Variants in OR9K2 observed in about 807,000 individuals in gnomAD.
The protein encoded by OR9K2 is olfactory receptor family 9 subfamily K member 2, also known as olfactory receptor 9K2.
In OR9K2, 16 loss-of-function variants were observed where a neutral mutation model predicts 12.4. The observed-to-expected ratio is 1.29, with a 90% CI of 0.87 to 1.95. OR9K2 has a LOEUF of 1.95. OR9K2 is among the 30% of genes most tolerant of loss of function. OR9K2 has a pLI of 0.00. For missense variants in OR9K2, 434 were observed against 376.5 expected, an observed-to-expected ratio of 1.15 and a Z score of -1.26; for synonymous variants, 133 against 133.2, an observed-to-expected ratio of 1.00 and a Z score of 0.01.
At position 55,131,565 on chromosome 12, in the gene OR9K2, C is replaced by G. The variant is rs1953473584; in HGVS notation, c.*789C>G. 1 of 152,132 alleles carries G rather than the reference C, an allele frequency of 6.6e-6. No homozygotes were observed. Among genetic ancestry groups the G allele is most frequent in the Non-Finnish European group, 1.5e-5 (1 of 68,006 alleles). The allele number at this position is 152,132 out of a possible 1,614,324, so 9.4% of individuals were successfully genotyped here. ...ATCCAAAATTTACTTATCTATGCCT[C>G]TTAATATAGGTATATATTTGATTAA... On this transcript the variant is annotated 3_prime_UTR_variant, in exon 3 of 3. Transcript: ENST00000641329.
Position 55,130,161 on chromosome 12 carries a change from C to T in OR9K2, c.327C>T (p.Leu109=). The part of the protein sequence containing the change: ...GCVAQLFLFA[L]LIVTEGFLLA... ...TGGCCCAGCTCTTTCTCTTTGCCCT[C>T]CTCATTGTGACTGAGGGATTTCTCC... Residue 109 remains leucine, a synonymous_variant, in exon 3 of 3, where the codon CTC becomes CTT. Transcript: ENST00000641329. 1.9e-6 allele frequency: 3 copies of T among 1,614,030 alleles called. No individual in the cohort carries two copies. The highest frequency in any genetic ancestry group is 2.5e-6 in the Non-Finnish European group (3 of 1,180,004).
rs1430999777 is a variant in OR9K2, at chr12:55,130,193, C to T, written c.359C>T (p.Ala120Val). The T allele has an allele frequency of 3.7e-6, 6 of 1,613,958 alleles. No individual in the cohort carries two copies. Among genetic ancestry groups the T allele is most frequent in the African/African-American group, 2.7e-5 (2 of 74,914 alleles). Residue 120 changes from alanine to valine, a missense_variant, in exon 3 of 3, where the codon GCC becomes GTC. Transcript: ENST00000641329. ...GTGACTGAGGGATTTCTCCTGGCGG[C>T]CATGGCTTATGACCGCTTTATTGCC... is the stretch of plus-strand genomic sequence containing the variant. Reference protein sequence around the residue: ...LIVTEGFLLAAMAYDRFIAIC... With the variant: ...LIVTEGFLLAVMAYDRFIAIC...
chr12:55,131,777 G>A lies in OR9K2; in HGVS notation c.*1001G>A, dbSNP rs532518192. The A allele has an allele frequency of 2.6e-4, 39 of 152,240 alleles. No individual in the cohort carries two copies. The highest frequency in any genetic ancestry group is 5.9e-4 in the Admixed American group (9 of 15,284). The allele number at this position is 152,240 out of a possible 1,614,324, so 9.4% of individuals were successfully genotyped here. A position where few individuals can be genotyped will look rare whatever the true frequency, so the allele number is the denominator to read the frequency against. On this transcript the variant is annotated 3_prime_UTR_variant, in exon 3 of 3. Coordinates refer to ENST00000641329, the MANE Select transcript of OR9K2 (RefSeq NM_001005243.2). Reference sequence around the variant, plus strand: ...TGGGGTGCCTGAAAGAAGGTGGTTGGTAATCAGAGAAACCCTTCTTGGGCT... The same window carrying A: ...TGGGGTGCCTGAAAGAAGGTGGTTGATAATCAGAGAAACCCTTCTTGGGCT...
In OR9K2 at chr12:55,130,713, G is replaced by A. The variant is rs766958148; in HGVS notation, c.879G>A (p.Leu293=). The change falls in exon 3 of 3, where the codon CTG becomes CTA. Residue 293 remains leucine, a synonymous_variant. Coordinates refer to ENST00000641329, the MANE Select transcript of OR9K2 (RefSeq NM_001005243.2). ...TPMLNPLIYS[L]RNKDVQEALK... is the part of the protein sequence containing the mutation. ...TGTTGAATCCTTTGATTTACTCTCT[G>A]AGGAACAAAGATGTCCAAGAGGCTC... is the stretch of plus-strand genomic sequence containing the variant. 6.2e-7 allele frequency: 1 copy of A among 1,609,396 alleles called. No individual in the cohort carries two copies.
chr12:55,126,444 A>C lies in OR9K2; in HGVS notation c.-166A>C, dbSNP rs1408008012. 6.6e-6 allele frequency: 1 copy of C among 152,178 alleles called. No individual in the cohort carries two copies. The highest frequency in any genetic ancestry group is 1.5e-5 in the Non-Finnish European group (1 of 68,026). The allele number at this position is 152,178 out of a possible 1,614,324, so 9.4% of individuals were successfully genotyped here. On this transcript the variant is annotated 5_prime_UTR_variant, in exon 1 of 3. Transcript: ENST00000641329. The stretch of plus-strand genomic sequence containing the variant: ...TCTACTTGCATATCCATGGCAATCT[A>C]TCCTCTTGCCTTGAAAGCATACAAG...
At position 55,130,321 on chromosome 12, in the gene OR9K2, A is replaced by G. The variant is rs765439876; in HGVS notation, c.487A>G (p.Thr163Ala). The change falls in exon 3 of 3, where the codon ACT (threonine) becomes GCT (alanine). Residue 163 changes from threonine to alanine, a missense_variant. Thr to Ala is a moderately conservative substitution (Grantham distance 58). Coordinates refer to ENST00000641329, the MANE Select transcript of OR9K2 (RefSeq NM_001005243.2). ...TGGCTGCATTAGCTCAGTTATTCAG[A>G]CTAGCATGACATTTACTTTATCTTT... is the stretch of plus-strand genomic sequence containing the variant. Reference protein sequence around the residue: ...FCGCISSVIQTSMTFTLSFCA... With the variant: ...FCGCISSVIQASMTFTLSFCA... The G allele has an allele frequency of 5.0e-6, 8 of 1,613,858 alleles. No individual in the cohort carries two copies. The highest frequency in any genetic ancestry group is 6.8e-6 in the Non-Finnish European group (8 of 1,179,934).
At position 55,129,808 on chromosome 12, in the gene OR9K2, C is replaced by T. The variant is rs1333235526; in HGVS notation, c.-9-18C>T. 2 of 1,611,694 alleles carry T rather than the reference C, an allele frequency of 1.2e-6. No homozygotes were observed. The highest frequency in any genetic ancestry group is 8.5e-7 in the Non-Finnish European group (1 of 1,178,010). On this transcript the variant is annotated intron_variant, in intron 2 of 2. Transcript: ENST00000641329. ...ACCAAGAGTTCATTTGTATATTTTG[C>T]CCTGTGCCTCTCAACAGGTTTCTAC...
At chr12:55,126,750 AT>A (rs1245018491) in intron 1 of OR9K2, 77 bp from the exon 2 acceptor site, 3 of 152,146 alleles carry the variant, frequency 2.0e-5, no homozygotes, top group Non-Finnish European at 4.4e-5. Flanking sequence ...GGAATGATTC[AT>A]TTTATTTCAA....
chr12:55,127,718 A>G (rs575570916), intron 2 of OR9K2, among the ~76,000 whole-genome samples: 1 of 152,168 alleles, frequency 6.6e-6, no homozygotes, highest in South Asian at 2.1e-4. Flanking sequence ...AAAAACGACC[A>G]TATATATTAT....
Position 55,130,967 on chromosome 12 carries a change from C to T in OR9K2, c.*191C>T, listed in dbSNP as rs908995892. On this transcript the variant is annotated 3_prime_UTR_variant, in exon 3 of 3. Coordinates refer to ENST00000641329, the MANE Select transcript of OR9K2 (RefSeq NM_001005243.2). ...TGAAAATCTTGGATATTGGAGATAT[C>T]CTGGACATTAGAGAAGTATTTTCAT... 4.2e-6 allele frequency: 2 copies of T among 471,950 alleles called. No individual in the cohort carries two copies. The highest frequency in any genetic ancestry group is 2.0e-5 in the African/African-American group (1 of 50,958). 29.2% of individuals were successfully genotyped at this position (471,950 alleles called of 1,614,324 possible).
rs147889126 is a variant in OR9K2, at chr12:55,126,581, T to C, written c.-94+65T>C. 3.8e-3 allele frequency: 581 copies of C among 152,260 alleles called. 10 individuals are homozygous for C. The highest frequency in any genetic ancestry group is 0.013 in the African/African-American group (543 of 41,558). 9.4% of individuals were successfully genotyped at this position (152,260 alleles called of 1,614,324 possible). ...ACTTCAGTTTTGGCAGAACATGATT[T>C]GAAAAATTCACCTTGACTCTCTTCT... On this transcript the variant is annotated intron_variant, in intron 1 of 2. Coordinates refer to ENST00000641329, the MANE Select transcript of OR9K2 (RefSeq NM_001005243.2).
At chr12:55,127,603 A>T (rs574801181) in intron 2 of OR9K2, among the ~76,000 whole-genome samples, 6 of 152,080 alleles carry the variant, frequency 3.9e-5, no homozygotes, top group Admixed American at 1.3e-4. Context: ...CTTTTCTCTT[A>T]ATAATCTTTT....
At position 55,130,150 on chromosome 12, in the gene OR9K2, C is replaced by G; in HGVS notation, c.316C>G (p.Leu106Val). 6.2e-7 allele frequency: 1 copy of G among 1,614,012 alleles called. No homozygotes were observed. Reference protein sequence around the residue: ...SFAGCVAQLFLFALLIVTEGF... With the variant: ...SFAGCVAQLFVFALLIVTEGF... The stretch of plus-strand genomic sequence containing the variant: ...TGCAGGCTGTGTGGCCCAGCTCTTT[C>G]TCTTTGCCCTCCTCATTGTGACTGA... Residue 106 changes from leucine (L) to valine (V), a missense_variant, in exon 3 of 3, where the codon CTC becomes GTC. Transcript: ENST00000641329.
At position 55,130,723 on chromosome 12, in the gene OR9K2, G is replaced by T. The variant is rs1953467180; in HGVS notation, c.889G>T (p.Asp297Tyr). 5.0e-6 allele frequency: 8 copies of T among 1,607,962 alleles called. No homozygotes were observed. The highest frequency in any genetic ancestry group is 5.1e-6 in the Non-Finnish European group (6 of 1,175,032). ...NPLIYSLRNK[D>Y]VQEALKKFLE... ...TTTGATTTACTCTCTGAGGAACAAA[G>T]ATGTCCAAGAGGCTCTAAAAAAATT... Residue 297 changes from aspartate (D) to tyrosine (Y), a missense_variant, in exon 3 of 3, where the codon GAT becomes TAT. Coordinates refer to ENST00000641329, the MANE Select transcript of OR9K2 (RefSeq NM_001005243.2).
chr12:55,130,926 A>G lies in OR9K2; in HGVS notation c.*150A>G, dbSNP rs1953468821. The G allele has an allele frequency of 1.6e-5, 9 of 550,116 alleles. No homozygotes were observed. Among genetic ancestry groups the G allele is most frequent in the Non-Finnish European group, 2.9e-5 (9 of 315,590 alleles). The allele number at this position is 550,116 out of a possible 1,614,324, so 34.1% of individuals were successfully genotyped here. A position where few individuals can be genotyped will look rare whatever the true frequency, so the allele number is the denominator to read the frequency against. ...TCCATATTTTACTTTTTTACCTCCC[A>G]AGACATCATTAATTCTGAAAATCTT... On this transcript the variant is annotated 3_prime_UTR_variant, in exon 3 of 3. Coordinates refer to ENST00000641329, the MANE Select transcript of OR9K2 (RefSeq NM_001005243.2).
In OR9K2 at chr12:55,130,528, C is replaced by G; in HGVS notation, c.694C>G (p.His232Asp). Residue 232 changes from histidine to aspartate, a missense_variant, in exon 3 of 3, where the codon CAT becomes GAT. By Grantham distance (81) the His-to-Asp change is moderately conservative (BLOSUM62 -1). Coordinates refer to ENST00000641329, the MANE Select transcript of OR9K2 (RefSeq NM_001005243.2). ...TATTGTGTCCACAGTTCTAAAGATA[C>G]ATTCTACTGAGGGACATAAGAAGGC... ...MYIVSTVLKI[H>D]STEGHKKAFS... The G allele has an allele frequency of 6.2e-7, 1 of 1,613,762 alleles. No individual in the cohort carries two copies. Among genetic ancestry groups the G allele is most frequent in the South Asian group, 1.1e-5 (1 of 91,074 alleles).
chr12:55,132,514 T>A lies in OR9K2; in HGVS notation c.*1738T>A, dbSNP rs1424147919. 1.3e-5 allele frequency: 2 copies of A among 152,258 alleles called. No homozygotes were observed. Among genetic ancestry groups the A allele is most frequent in the Non-Finnish European group, 2.9e-5 (2 of 68,058 alleles). 9.4% of individuals were successfully genotyped at this position (152,258 alleles called of 1,614,324 possible). On this transcript the variant is annotated 3_prime_UTR_variant, in exon 3 of 3. Transcript: ENST00000641329. The stretch of plus-strand genomic sequence containing the variant: ...TGAAGAATCAACAAGAGGGCAGCCA[T>A]CTGCAAGCTAAGGAAAGAGGGCTCA...
At position 55,130,217 on chromosome 12, in the gene OR9K2, C is replaced by A. The variant is rs1195561507; in HGVS notation, c.383C>A (p.Ala128Asp). Reference sequence around the variant, plus strand: ...GCCATGGCTTATGACCGCTTTATTGCCATCTGCAACCCTCTGCTCTACTCT... The same window carrying A: ...GCCATGGCTTATGACCGCTTTATTGACATCTGCAACCCTCTGCTCTACTCT... ...LAAMAYDRFI[A>D]ICNPLLYSVQ... The change falls in exon 3 of 3, where the codon GCC becomes GAC. Residue 128 changes from alanine to aspartate, a missense_variant. Transcript: ENST00000641329. 6.2e-7 allele frequency: 1 copy of A among 1,613,978 alleles called. No individual in the cohort carries two copies. The highest frequency in any genetic ancestry group is 8.5e-7 in the Non-Finnish European group (1 of 1,179,998).
rs1311976961 is a variant in OR9K2, at chr12:55,131,979, A to C, written c.*1203A>C. On this transcript the variant is annotated 3_prime_UTR_variant, in exon 3 of 3. Coordinates refer to ENST00000641329, the MANE Select transcript of OR9K2 (RefSeq NM_001005243.2). ...TGACTAGTATGAAGAGAATGTACAA[A>C]AGATGGTATGTTAGCCCATTTTTGA... 6.6e-6 allele frequency: 1 copy of C among 152,196 alleles called. No homozygotes were observed. Among genetic ancestry groups the C allele is most frequent in the Non-Finnish European group, 1.5e-5 (1 of 68,036 alleles). 9.4% of individuals were successfully genotyped at this position (152,196 alleles called of 1,614,324 possible).
Sources: allele counts gnomAD v4.1 joint callset (sites outside exome capture counted in the v4.1 genomes callset), GRCh38; gene constraint gnomAD v4.1.1; transcripts MANE v1.5; gene names NCBI Gene and HGNC (gene_info 2026-07-23, HGNC 2026-07-21).